SLC30A4: variants seen among roughly 807,000 people sequenced by gnomAD.
SLC30A4 encodes solute carrier family 30 member 4, also known as probable proton-coupled zinc antiporter SLC30A4.
SLC30A4 carries 20 observed loss-of-function variants against 41.7 expected under a neutral mutation model. The observed-to-expected ratio is 0.48, with a 90% CI of 0.34 to 0.70. The LOEUF (loss-of-function observed/expected upper bound fraction) is 0.70. SLC30A4 is among the 30% of genes least tolerant of loss of function. SLC30A4 has a pLI of 0.01. For missense variants in SLC30A4, 441 were observed against 529.3 expected, an observed-to-expected ratio of 0.83 and a Z score of 1.64; for synonymous variants, 181 against 195.9, an observed-to-expected ratio of 0.92 and a Z score of 0.64.
rs933632589 is a variant in SLC30A4, at chr15:45,484,842, C to A, written c.*321G>T. On this transcript the variant is annotated 3_prime_UTR_variant, in exon 8 of 8. Coordinates refer to ENST00000261867, the MANE Select transcript of SLC30A4 (RefSeq NM_013309.6). ...TATTTTTAAATGCAAATATTGAATT[C>A]TTGATGCTTCCTTTAAGACACGTAC... The A allele has an allele frequency of 1.8e-5, 4 of 223,406 alleles. No individual in the cohort carries two copies. Among genetic ancestry groups the A allele is most frequent in the Non-Finnish European group, 3.5e-5 (4 of 115,064 alleles). The allele number at this position is 223,406 out of a possible 1,614,324, so 13.8% of individuals were successfully genotyped here. A position where few individuals can be genotyped will look rare whatever the true frequency, so the allele number is the denominator to read the frequency against.
intron 4 of SLC30A4, among the ~76,000 whole-genome samples, 181 bp from the exon 5 acceptor site, chr15:45,489,223 AC>A (rs1891763622): frequency 3.3e-5 from 5 of 152,028 alleles, no homozygotes; most frequent in Non-Finnish European, 5.9e-5. Context: ...ACATATCCCT[AC>A]CCCCATGGAG....
chr15:45,504,373 TA>T (rs907997334), intron 3 of SLC30A4, among the ~76,000 whole-genome samples: 1 of 151,826 alleles, frequency 6.6e-6, no homozygotes, highest in Non-Finnish European at 1.5e-5. Context: ...TTTAGTAACT[TA>T]AAAAAAACAA....
chr15:45,511,683 C>T (rs1206393015), intron 2 of SLC30A4, among the ~76,000 whole-genome samples: 1 of 152,144 alleles, frequency 6.6e-6, no homozygotes, highest in Non-Finnish European at 1.5e-5. Flanking sequence ...AGGGTTTCAC[C>T]ATGTTGGCCA....
At chr15:45,489,468 A>T (rs1158672732) in intron 4 of SLC30A4, among the ~76,000 whole-genome samples, 1 of 151,862 alleles carries the variant, frequency 6.6e-6, no homozygotes, top group African/African-American at 2.4e-5. Flanking sequence ...AGGCCCCAAC[A>T]TGAAAATGTG....
intron 6 of SLC30A4, 87 bp downstream of exon 6, chr15:45,487,440 A>T (rs1379256099): frequency 1.5e-6 from 1 of 686,574 alleles, no homozygotes; most frequent in African/African-American, 1.8e-5. Flanking sequence ...AAAGCAAAAG[A>T]TGTAATTCCT....
chr15:45,499,631 T>C (rs1891980213), intron 3 of SLC30A4, among the ~76,000 whole-genome samples: 1 of 152,206 alleles, frequency 6.6e-6, no homozygotes, highest in Non-Finnish European at 1.5e-5. Context: ...CCTCTTTGTC[T>C]GGAAAAGAAT....
At chr15:45,502,094 T>C (rs541090703) in intron 3 of SLC30A4, 1 of 151,780 alleles carries the variant, frequency 6.6e-6, no homozygotes, top group Non-Finnish European at 1.5e-5. Flanking sequence ...TATTAGTGAC[T>C]TTTTACTTTT....
At chr15:45,505,782 A>C (rs1158193153) in intron 3 of SLC30A4, among the ~76,000 whole-genome samples, 3 of 152,192 alleles carry the variant, frequency 2.0e-5, no homozygotes, top group Admixed American at 2.0e-4. Context: ...GAAGTGCTGG[A>C]AGGATAGGCT....
intron 6 of SLC30A4, 81 bp from the exon 7 acceptor site, chr15:45,486,826 GA>G: frequency 1.3e-6 from 1 of 743,646 alleles, no homozygotes; most frequent in East Asian, 2.9e-5. Flanking sequence ...ATTTATCAAA[GA>G]AAACAAATGG....
At chr15:45,512,438 C>A (rs1892325658) in intron 2 of SLC30A4, 1 of 152,182 alleles carries the variant, frequency 6.6e-6, no homozygotes, top group Non-Finnish European at 1.5e-5. Flanking sequence ...TACAGCAGAA[C>A]TGCATGATCA....
intron 3 of SLC30A4, among the ~76,000 whole-genome samples, chr15:45,501,541 C>T (rs1296222931): frequency 1.3e-5 from 2 of 152,116 alleles, no homozygotes; most frequent in East Asian, 1.9e-4. Flanking sequence ...TGCTCTGTCC[C>T]CTAAGCTGGA....
At chr15:45,505,103 C>T (rs765947251) in intron 3 of SLC30A4, among the ~76,000 whole-genome samples, 1 of 151,840 alleles carries the variant, frequency 6.6e-6, no homozygotes, top group Non-Finnish European at 1.5e-5. Flanking sequence ...TGGTGGCACA[C>T]GTCTATAATC....
chr15:45,511,041 C>A (rs1892276544), intron 3 of SLC30A4, 97 bp downstream of exon 3: 1 of 937,748 alleles, frequency 1.1e-6, no homozygotes, highest in African/African-American at 1.7e-5. Flanking sequence ...TTTGTTCAAA[C>A]AAGATATCAC....
At chr15:45,514,867 T>C (rs1196609172) in intron 2 of SLC30A4, among the ~76,000 whole-genome samples, 2 of 152,170 alleles carry the variant, frequency 1.3e-5, no homozygotes, top group East Asian at 3.9e-4. Context: ...TGCTCAACTC[T>C]GTGAGAGAGT....
intron 3 of SLC30A4, among the ~76,000 whole-genome samples, chr15:45,509,290 G>A (rs1343857453): frequency 2.2e-5 from 3 of 139,188 alleles, no homozygotes; most frequent in South Asian, 2.2e-4. Flanking sequence ...GTCTTACTCT[G>A]CCGCCCAGAA....
At chr15:45,512,639 A>T (rs1407813362) in intron 2 of SLC30A4, among the ~76,000 whole-genome samples, 1 of 152,208 alleles carries the variant, frequency 6.6e-6, no homozygotes, top group Non-Finnish European at 1.5e-5. Context: ...GTGTTAAACA[A>T]CATGAAGTTT....
At chr15:45,498,172 T>C (rs546435179) in intron 3 of SLC30A4, among the ~76,000 whole-genome samples, 2 of 152,278 alleles carry the variant, frequency 1.3e-5, no homozygotes, top group African/African-American at 2.4e-5. Context: ...CAGAGGTCTA[T>C]AAAAATGAAT....
Position 45,485,045 on chromosome 15 carries a change from G to A in SLC30A4, c.*118C>T, listed in dbSNP as rs1235166716. The A allele has an allele frequency of 1.6e-5, 12 of 735,102 alleles. No homozygotes were observed. The highest frequency in any genetic ancestry group is 2.4e-5 in the Non-Finnish European group (11 of 451,230). The allele number at this position is 735,102 out of a possible 1,614,324, so 45.5% of individuals were successfully genotyped here. On this transcript the variant is annotated 3_prime_UTR_variant, in exon 8 of 8. Transcript: ENST00000261867. ...GGCTGGGGCAACTGTTTGAGAGACT[G>A]ATGCTTGATACGGACACAGCTGTCA...
intron 3 of SLC30A4, among the ~76,000 whole-genome samples, chr15:45,506,373 T>C (rs1892156981): frequency 1.3e-5 from 2 of 152,192 alleles, no homozygotes; most frequent in Non-Finnish European, 2.9e-5. Context: ...ACCAAGCTTC[T>C]TGTGGGGATT....
Sources: gnomAD v4.1 joint callset for allele counts (sites outside exome capture counted in the v4.1 genomes callset) on GRCh38, gnomAD v4.1.1 for gene constraint, MANE v1.5 for transcripts, NCBI Gene and HGNC (gene_info 2026-07-23, HGNC 2026-07-21) for gene names.